LRP1: variants seen among roughly 807,000 people sequenced by gnomAD.
The protein encoded by LRP1 is LDL receptor related protein 1.
In LRP1, 51 loss-of-function variants were observed where a neutral mutation model predicts 541.5. That is an observed-to-expected ratio of 0.09 (90% confidence interval 0.08 to 0.12). The LOEUF (loss-of-function observed/expected upper bound fraction) is 0.12. Among genes scored for constraint, LRP1 ranks in the 10% least tolerant of loss-of-function variants. The pLI is 1.00. For missense variants in LRP1, 3,878 were observed against 6,376.2 expected (o/e 0.61, Z 13.34); for synonymous variants, 2,219 against 2,470.8 (o/e 0.90, Z 3.02).
At chr12:57,149,853 G>C in intron 6 of LRP1, 1 of 676,576 alleles carries the variant, frequency 1.5e-6, no homozygotes, top group Non-Finnish European at 2.7e-6. Context: ...TCCCACCTTC[G>C]AAGTCCTCAG....
rs1224762484 is a variant in LRP1 at position 57,131,296 on chromosome 12, C to T, written c.67+2265C>T. Among the ~76,000 whole-genome samples, 5 of 152,150 alleles carry T rather than the reference C, an allele frequency of 3.3e-5. No homozygotes were observed. The East Asian group carries it at 7.7e-4, about 23-fold the overall frequency. On this transcript the variant is annotated intron_variant, in intron 1 of 88. Transcript: ENST00000243077. ...TCCCCTGCCCTTTGGGGAGTAACGTCACTCCCCACTAGCGACAAAATTGAG... is the reference window on the plus strand; with the variant it reads ...TCCCCTGCCCTTTGGGGAGTAACGTTACTCCCCACTAGCGACAAAATTGAG...
chr12:57,206,213 G>C lies in LRP1; in HGVS notation c.11591-260G>C, dbSNP rs2036775595. ...ATCCAGCAGCCGTGAGGAGGTGGAA[G>C]TCTCTGGGTCTGGAGGGGCAGGGAC... On this transcript the variant is annotated intron_variant, in intron 75 of 88. Transcript: ENST00000243077. The surrounding 1 kb of genome is among the most constrained non-coding windows in gnomAD (Gnocchi z 4.7). 6.6e-6 allele frequency among the ~76,000 whole-genome samples: 1 copy of C among 152,260 alleles called. No individual in the cohort carries two copies. Among genetic ancestry groups the C allele is most frequent in the African/African-American group, 2.4e-5 (1 of 41,472 alleles).
intron 68 of LRP1, 109 bp downstream of exon 68, chr12:57,202,646 G>T (rs1413991573): frequency 2.4e-6 from 2 of 836,488 alleles, no homozygotes; most frequent in Admixed American, 2.1e-5. Flanking sequence ...CTCCCAGGGT[G>T]GGGGCAGGAG....
chr12:57,151,533 G>A (rs541639793), intron 6 of LRP1, among the ~76,000 whole-genome samples: 2 of 152,262 alleles, frequency 1.3e-5, no homozygotes, highest in African/African-American at 4.8e-5. Context: ...GTGCGCTCAG[G>A]TGGTTGGCCC....
Position 57,205,847 on chromosome 12 carries a change from A to G in LRP1, c.11590+170A>G. On this transcript the variant is annotated intron_variant, in intron 75 of 88. Transcript: ENST00000243077. This position sits in a 1 kb window ranked among gnomAD's most constrained non-coding sequence, Gnocchi z 4.6. ...ACAGTGCTGGCCCAGCAGTGGGGGC[A>G]GGTCCTGGGGCTGGCTGACTGAAGG... 1.9e-6 allele frequency: 2 copies of G among 1,037,730 alleles called. No homozygotes were observed. Among genetic ancestry groups the G allele is most frequent in the Non-Finnish European group, 2.7e-6 (2 of 732,280 alleles). 64.3% of individuals were successfully genotyped at this position (1,037,730 alleles called of 1,614,324 possible).
In LRP1 at chr12:57,185,467, G is replaced by T; in HGVS notation, c.6464-64G>T. On this transcript the variant is annotated intron_variant, in intron 40 of 88. Transcript: ENST00000243077. The surrounding 1 kb of genome is among the most constrained non-coding windows in gnomAD (Gnocchi z 4.9). ...GCAGAGCTTTCGCCAAAGCCTGGAT[G>T]ACAAAGGCACCAGTGAGCCTTTCCC... 6.6e-7 allele frequency: 1 copy of T among 1,509,452 alleles called. No individual in the cohort carries two copies. The highest frequency in any genetic ancestry group is 1.3e-5 in the South Asian group (1 of 76,504). 93.5% of individuals were successfully genotyped at this position (1,509,452 alleles called of 1,614,324 possible). A position where few individuals can be genotyped will look rare whatever the true frequency, so the allele number is the denominator to read the frequency against.
Position 57,184,457 on chromosome 12 carries a change from G to T in LRP1, c.6186+5G>T, listed in dbSNP as rs767124834. On this transcript the variant is annotated splice_donor_5th_base_variant and intron_variant, in intron 38 of 88. Coordinates refer to ENST00000243077, the MANE Select transcript of LRP1 (RefSeq NM_002332.3). This position sits in a 1 kb window ranked among gnomAD's most constrained non-coding sequence, Gnocchi z 7.8. ...GGCATCTCAGTGGACTACCAGGTTC[G>T]CACGCCAACTTGGCCTTGGATCCGA... 14 of 1,614,050 alleles carry T rather than the reference G, an allele frequency of 8.7e-6. No homozygotes were observed. Among genetic ancestry groups the T allele is most frequent in the East Asian group, 2.2e-5 (1 of 44,898 alleles).
At chr12:57,193,793 G>C in intron 47 of LRP1, 106 bp from the exon 48 acceptor site, 1 of 1,602,582 alleles carries the variant, frequency 6.2e-7, no homozygotes, top group Non-Finnish European at 8.5e-7. Context: ...AAGGCACTCT[G>C]TGACAGGCCA....
At chr12:57,200,972 G>A (rs752272536) in intron 64 of LRP1, 62 bp from the exon 65 acceptor site, 259 of 1,609,392 alleles carry the variant, frequency 1.6e-4, no homozygotes, top group Non-Finnish European at 2.1e-4. Flanking sequence ...TGAGGGATGG[G>A]CACCCTCTCC....
intron 63 of LRP1, 22 bp from the exon 64 acceptor site, chr12:57,200,675 ACT>A: frequency 6.2e-7 from 1 of 1,603,974 alleles, no homozygotes; most frequent in East Asian, 2.2e-5. Flanking sequence ...AGCCGCTCTG[ACT>A]CTGAGCCTCC....
At position 57,177,905 on chromosome 12, in the gene LRP1, T is replaced by G. The variant is rs1207730685; in HGVS notation, c.4361+314T>G. Among the ~76,000 whole-genome samples the G allele has an allele frequency of 6.6e-6, 1 of 151,874 alleles. No homozygotes were observed. Among genetic ancestry groups the G allele is most frequent in the Non-Finnish European group, 1.5e-5 (1 of 67,962 alleles). On this transcript the variant is annotated intron_variant, in intron 26 of 88. Transcript: ENST00000243077. This position sits in a 1 kb window ranked among gnomAD's most constrained non-coding sequence, Gnocchi z 6.8. Reference sequence around the variant, plus strand: ...TGTCTGCCCAGAGGGAGGGGAAACTTCTTTCTAATTGGTCTGCCCAGGGAG... The same window carrying G: ...TGTCTGCCCAGAGGGAGGGGAAACTGCTTTCTAATTGGTCTGCCCAGGGAG...
At chr12:57,133,576 C>T (rs1330125990) in intron 1 of LRP1, among the ~76,000 whole-genome samples, 3 of 152,016 alleles carry the variant, frequency 2.0e-5, no homozygotes, top group Non-Finnish European at 4.4e-5. Context: ...TGCCCCACCC[C>T]CATAAGGTCG....
At chr12:57,175,331 G>T (rs1800178) in intron 22 of LRP1, 129 bp from the exon 23 acceptor site, 3 of 1,089,198 alleles carry the variant, frequency 2.8e-6, no homozygotes, top group Non-Finnish European at 2.7e-6. Flanking sequence ...GAATGGAGAC[G>T]AATGGGGCCG....
Position 57,160,885 on chromosome 12 carries a change from G to A in LRP1, c.1980-8G>A. ...GCCCAGGTGATGCTGACCAGTCGCTGCCCACAGGTGGATGTACTGGACAGA... is the reference window on the plus strand; with the variant it reads ...GCCCAGGTGATGCTGACCAGTCGCTACCCACAGGTGGATGTACTGGACAGA... On this transcript the variant is annotated splice_region_variant and splice_polypyrimidine_tract_variant and intron_variant, in intron 12 of 88. Transcript: ENST00000243077. The A allele has an allele frequency of 3.7e-6, 6 of 1,611,510 alleles. No homozygotes were observed. The highest frequency in any genetic ancestry group is 5.1e-6 in the Non-Finnish European group (6 of 1,178,350).
In LRP1 at chr12:57,193,674, T is replaced by A; in HGVS notation, c.7793T>A (p.Ile2598Asn). The change falls in exon 47 of 89, where the codon ATC (isoleucine) becomes AAC (asparagine). Residue 2598 changes from isoleucine (I) to asparagine (N), a missense_variant. Ile to Asn is a moderately radical substitution (Grantham distance 149, BLOSUM62 -3). Around this residue, in one of 13 missense-constraint regions of LRP1, gnomAD observed 1,100 missense variants for 1,827.4 expected, o/e 0.60. Coordinates refer to ENST00000243077, the MANE Select transcript of LRP1 (RefSeq NM_002332.3). The stretch of plus-strand genomic sequence containing the variant: ...GACTGTGGGGATGGCTCTGACGAGA[T>A]CCCTTGCAACAGTGAGTGAGGCGCA... The part of the protein sequence containing the change: ...ADDCGDGSDE[I>N]PCNKTACGVG... The A allele has an allele frequency of 6.2e-7, 1 of 1,614,026 alleles. No individual in the cohort carries two copies. The highest frequency in any genetic ancestry group is 8.5e-7 in the Non-Finnish European group (1 of 1,179,984).
rs1200377138 is a variant in LRP1, at chr12:57,205,573, T to C, written c.11486T>C (p.Leu3829Pro). The change falls in exon 75 of 89, where the codon CTG becomes CCG. Residue 3829 changes from leucine (L) to proline (P), a missense_variant. This residue lies in a region of LRP1 where 871 missense variants were observed against 1,212.4 expected (regional missense o/e 0.72). Coordinates refer to ENST00000243077, the MANE Select transcript of LRP1 (RefSeq NM_002332.3). This position sits in a 1 kb window ranked among gnomAD's most constrained non-coding sequence, Gnocchi z 4.6. ...QPGCQDINEC[L>P]RFGTCSQLCN... ...TAACCCTTAGACATCAACGAGTGCC[T>C]GCGCTTCGGCACCTGCTCCCAGCTC... The C allele has an allele frequency of 2.5e-6, 4 of 1,613,974 alleles. No homozygotes were observed. Among genetic ancestry groups the C allele is most frequent in the East Asian group, 2.2e-5 (1 of 44,882 alleles).
At chr12:57,133,568 C>T (rs962739931) in intron 1 of LRP1, among the ~76,000 whole-genome samples, 2 of 151,978 alleles carry the variant, frequency 1.3e-5, no homozygotes, top group African/African-American at 4.8e-5. Context: ...GCCCTTGCTG[C>T]CCCACCCCCA....
At position 57,212,710 on chromosome 12, in the gene LRP1, G is replaced by A. The variant is rs1048533511; in HGVS notation, c.*155G>A. 11 of 804,700 alleles carry A rather than the reference G, an allele frequency of 1.4e-5. No homozygotes were observed. The highest frequency in any genetic ancestry group is 5.6e-5 in the South Asian group (3 of 53,620). The allele number at this position is 804,700 out of a possible 1,614,324, so 49.8% of individuals were successfully genotyped here. Reference sequence around the variant, plus strand: ...CATTTTATATGTGAGCGAGCAAGCCGGCAAGCGAGCACAGTATTATTTCTC... The same window carrying A: ...CATTTTATATGTGAGCGAGCAAGCCAGCAAGCGAGCACAGTATTATTTCTC... On this transcript the variant is annotated 3_prime_UTR_variant, in exon 89 of 89. Coordinates refer to ENST00000243077, the MANE Select transcript of LRP1 (RefSeq NM_002332.3). This position sits in a 1 kb window ranked among gnomAD's most constrained non-coding sequence, Gnocchi z 5.0.
chr12:57,186,342 G>A (rs1402960357), intron 41 of LRP1, among the ~76,000 whole-genome samples: 1 of 152,218 alleles, frequency 6.6e-6, no homozygotes, highest in African/African-American at 2.4e-5. Flanking sequence ...AGTGATGCTG[G>A]GGACGGAGTG....
Sources: gnomAD v4.1 joint callset for allele counts (sites outside exome capture counted in the v4.1 genomes callset) on GRCh38, gnomAD v4.1.1 for gene constraint, gnomAD v4.1.1 regional missense constraint, Gnocchi (gnomAD v3.1) non-coding constraint, MANE v1.5 for transcripts, NCBI Gene and HGNC (gene_info 2026-07-23, HGNC 2026-07-21) for gene names.